TEKT3: variants seen among roughly 807,000 people sequenced by gnomAD.
The protein encoded by TEKT3 is tektin 3, also known as tektin-3.
In TEKT3, 49 loss-of-function variants were observed where a neutral mutation model predicts 49.8. That is an observed-to-expected ratio of 0.98 (90% CI 0.78 to 1.25). The LOEUF is 1.25. Among genes scored for constraint, TEKT3 ranks in the 50% most tolerant of loss-of-function variants. TEKT3 has a pLI of 0.00. For missense variants in TEKT3, 595 were observed against 629.5 expected, an observed-to-expected ratio of 0.95 and a Z score of 0.59; for synonymous variants, 225 against 237.2, an observed-to-expected ratio of 0.95 and a Z score of 0.47.
At chr17:15,313,941 ACTGGAGACTTGTCCAAAG>A in intron 6 of TEKT3, 128 bp downstream of exon 6, 1 of 1,057,672 alleles carries the variant, frequency 9.5e-7, no homozygotes. Flanking sequence ...GTGCTTGCTT[ACTGGAGACTTGTCCAAAG>A]CTGGGTGTGT....
At chr17:15,319,564 A>C (rs1399150763) in intron 4 of TEKT3, among the ~76,000 whole-genome samples, 2 of 152,166 alleles carry the variant, frequency 1.3e-5, no homozygotes, top group Non-Finnish European at 2.9e-5. Context: ...GCACAACCAA[A>C]AGAAGCTTCT....
rs2150757376 is a variant in TEKT3, at chr17:15,340,070, A to C, written c.-63-9T>G. 1 of 152,312 alleles carries C rather than the reference A, an allele frequency of 6.6e-6. No individual in the cohort carries two copies. Among genetic ancestry groups the C allele is most frequent in the East Asian group, 1.9e-4 (1 of 5,180 alleles). The allele number at this position is 152,312 out of a possible 1,614,324, so 9.4% of individuals were successfully genotyped here. On this transcript the variant is annotated splice_polypyrimidine_tract_variant and intron_variant, in intron 1 of 8. Transcript: ENST00000395930. The stretch of plus-strand genomic sequence containing the variant: ...AATTTCTTGGTATGTACCTAGAGAA[A>C]TGCAAATATGTTTACAATTAGAATG...
intron 2 of TEKT3, among the ~76,000 whole-genome samples, chr17:15,332,714 A>G (rs946331268): frequency 3.3e-5 from 5 of 152,196 alleles, no homozygotes; most frequent in Non-Finnish European, 7.3e-5. Context: ...ATGTATTTAG[A>G]AGGATTAGCA....
In TEKT3 at chr17:15,314,206, C is replaced by A; in HGVS notation, c.759G>T (p.Glu253Asp). The change falls in exon 6 of 9, where the codon GAG becomes GAT. Residue 253 changes from glutamate (E) to aspartate (D), a missense_variant. By Grantham distance (45) the Glu-to-Asp change is conservative. Transcript: ENST00000395930. The part of the protein sequence containing the change: ...QLAANRASQH[E>D]LEKDLSDKQT... ...GTTTGTCACTCAGGTCCTTTTCCAGCTCATGCTGGGACGCTCTGTTGGCTC... is the reference window on the plus strand; with the variant it reads ...GTTTGTCACTCAGGTCCTTTTCCAGATCATGCTGGGACGCTCTGTTGGCTC... 6.2e-7 allele frequency: 1 copy of A among 1,614,200 alleles called. No homozygotes were observed. Among genetic ancestry groups the A allele is most frequent in the South Asian group, 1.1e-5 (1 of 91,084 alleles).
intron 2 of TEKT3, among the ~76,000 whole-genome samples, chr17:15,332,861 C>A (rs1422763073): frequency 6.6e-6 from 1 of 152,158 alleles, no homozygotes; most frequent in Non-Finnish European, 1.5e-5. Flanking sequence ...CTAAATAGTT[C>A]ATTAATAGTT....
chr17:15,337,110 T>G (rs1912009134), intron 2 of TEKT3, among the ~76,000 whole-genome samples: 2 of 152,074 alleles, frequency 1.3e-5, no homozygotes, highest in Admixed American at 6.5e-5. Context: ...ATTATGTTAA[T>G]GTATAATGGA....
chr17:15,340,418 G>T (rs905012967), intron 1 of TEKT3: 1 of 151,634 alleles, frequency 6.6e-6, no homozygotes, highest in African/African-American at 2.4e-5. Context: ...GTGGTGGCAG[G>T]CACCTGTAAT....
chr17:15,312,468 CA>C lies in TEKT3; in HGVS notation c.891del (p.Glu298SerfsTer24). The stretch of plus-strand genomic sequence containing the variant: ...TCATCTGTAAATTTGGCCCAGGACT[CA>C]GGCACTGAGACACTGAAAAAGAGAA... ...VERVDATVSV[P>X]ESWAKFTDDN... On this transcript the variant is annotated frameshift_variant, in exon 7 of 9. Transcript: ENST00000395930. LOFTEE classifies it high-confidence loss of function. The C allele has an allele frequency of 6.2e-7, 1 of 1,614,100 alleles. No homozygotes were observed. The highest frequency in any genetic ancestry group is 1.1e-5 in the South Asian group (1 of 91,078).
In TEKT3 at chr17:15,331,116, T is replaced by G. The variant is rs770556086; in HGVS notation, c.470A>C (p.Lys157Thr). The stretch of plus-strand genomic sequence containing the variant: ...ATCCAACTCATGAATGATTTCAGAT[T>G]TCCAAAACCCTATGTCATTGACACG... ...GERVNDIGFWKSEIIHELDEM... is the reference protein window; with the variant it reads ...GERVNDIGFWTSEIIHELDEM... Residue 157 changes from lysine to threonine, a missense_variant, in exon 3 of 9, where the codon AAA (lysine) becomes ACA (threonine). By Grantham distance (78) the Lys-to-Thr change is moderately conservative. Transcript: ENST00000395930. 9.9e-6 allele frequency: 16 copies of G among 1,614,086 alleles called. No individual in the cohort carries two copies. Among genetic ancestry groups the G allele is most frequent in the Non-Finnish European group, 1.4e-5 (16 of 1,180,038 alleles).
chr17:15,310,435 G>A (rs1423030496), intron 7 of TEKT3, among the ~76,000 whole-genome samples: 3 of 152,124 alleles, frequency 2.0e-5, no homozygotes, highest in Non-Finnish European at 4.4e-5. Context: ...AGTTAAATGA[G>A]GTCTTTAGGG....
chr17:15,339,043 ATTAAGAGGTGAGACTT>A (rs1912120736), intron 2 of TEKT3, among the ~76,000 whole-genome samples: 1 of 152,198 alleles, frequency 6.6e-6, no homozygotes, highest in Non-Finnish European at 1.5e-5. Flanking sequence ...ATTGTGCAGT[ATTAAGAGGTGAGACTT>A]TTAAGAGGTG....
In TEKT3 at chr17:15,331,506, C is replaced by G; in HGVS notation, c.80G>C (p.Ser27Thr). ...GTCCCTGTAGCTTGAGGCCATGGTA[C>G]TGATGGCTGGTAGAAAGTTGGTTGG... ...PTPTNFLPAI[S>T]TMASSYRDRF... is the part of the protein sequence containing the mutation. Residue 27 changes from serine (S) to threonine (T), a missense_variant, in exon 3 of 9, where the codon AGT becomes ACT. By Grantham distance (58) the Ser-to-Thr change is moderately conservative (BLOSUM62 1). Transcript: ENST00000395930. 6.2e-7 allele frequency: 1 copy of G among 1,614,034 alleles called. No homozygotes were observed. Among genetic ancestry groups the G allele is most frequent in the Non-Finnish European group, 8.5e-7 (1 of 1,180,008 alleles).
intron 5 of TEKT3, among the ~76,000 whole-genome samples, chr17:15,317,725 T>C (rs1911068809): frequency 6.6e-6 from 1 of 152,142 alleles, no homozygotes; most frequent in Non-Finnish European, 1.5e-5. Context: ...TGGCCAACAG[T>C]CTCGGCCAAT....
At chr17:15,318,350 A>G (rs1911110104) in intron 5 of TEKT3, among the ~76,000 whole-genome samples, 1 of 152,100 alleles carries the variant, frequency 6.6e-6, no homozygotes, top group Non-Finnish European at 1.5e-5. Flanking sequence ...ACGACCACTC[A>G]TTACTTTTTC....
intron 8 of TEKT3, chr17:15,306,751 T>C (rs181735955): frequency 1.3e-5 from 2 of 152,302 alleles, no homozygotes; most frequent in African/African-American, 4.8e-5. Context: ...GCAGAGATTT[T>C]TGGAGAACGA....
chr17:15,337,564 C>T (rs2150755296), intron 2 of TEKT3, among the ~76,000 whole-genome samples: 1 of 152,280 alleles, frequency 6.6e-6, no homozygotes, highest in African/African-American at 2.4e-5. Context: ...AAAATATGGG[C>T]TGGGCACGGT....
At chr17:15,325,664 TAC>T (rs1353623420) in intron 4 of TEKT3, among the ~76,000 whole-genome samples, 2 of 150,124 alleles carry the variant, frequency 1.3e-5, no homozygotes, top group East Asian at 4.1e-4. Context: ...TGTAGCCAAG[TAC>T]CAAAAAAAAT....
chr17:15,304,066 A>G lies in TEKT3; in HGVS notation c.1343T>C (p.Leu448Pro). 6.2e-7 allele frequency: 1 copy of G among 1,614,182 alleles called. No individual in the cohort carries two copies. Residue 448 changes from leucine (L) to proline (P), a missense_variant, in exon 9 of 9, where the codon CTG becomes CCG. Physicochemically the swap from Leu to Pro is moderately conservative, Grantham distance 98. Coordinates refer to ENST00000395930, the MANE Select transcript of TEKT3 (RefSeq NM_031898.3). This position sits in a 1 kb window ranked among gnomAD's most constrained non-coding sequence, Gnocchi z 4.7. ...LRDAEDTLQS[L>P]VHIKATLEYD... Reference sequence around the variant, plus strand: ...CTCGAGTGTGGCTTTGATGTGGACCAGCGACTGCAGGGTGTCCTCTGCATC... The same window carrying G: ...CTCGAGTGTGGCTTTGATGTGGACCGGCGACTGCAGGGTGTCCTCTGCATC...
rs754267452 is a variant in TEKT3, at chr17:15,331,559, C to T, written c.27G>A (p.Thr9=). Residue 9 remains threonine (T), a synonymous_variant, in exon 3 of 9, where the codon ACG becomes ACA. Transcript: ENST00000395930. MERVGCTL[T]TTYAHPRPTP... ...TTGGTCTAGGGTGGGCGTAAGTTGT[C>T]GTTAAAGTACAACCTACACGTTCCA... 1.4e-5 allele frequency: 22 copies of T among 1,613,008 alleles called. No individual in the cohort carries two copies. Among genetic ancestry groups the T allele is most frequent in the East Asian group, 2.2e-5 (1 of 44,856 alleles).
Sources: allele counts gnomAD v4.1 joint callset (sites outside exome capture counted in the v4.1 genomes callset), GRCh38; gene constraint gnomAD v4.1.1; non-coding constraint Gnocchi (gnomAD v3.1); transcripts MANE v1.5; gene names NCBI Gene and HGNC (gene_info 2026-07-23, HGNC 2026-07-21).